Variants in FBXW11 observed in about 807,000 individuals in gnomAD.
The protein encoded by FBXW11 is F-box and WD repeat domain containing 11.
Under a neutral mutation model 77.6 loss-of-function variants are expected in FBXW11, and 19 were observed. The observed-to-expected ratio is 0.24, with a 90% CI of 0.17 to 0.36. FBXW11 has a LOEUF of 0.36. Ranked by LOEUF, FBXW11 falls within the 10% of genes least tolerant of loss-of-function variation. The probability of loss-of-function intolerance (pLI) is 1.00; values close to 1 mark genes in which losing one functional copy is unlikely to be tolerated. For missense variants in FBXW11, 334 were observed against 704.2 expected (o/e 0.47, Z 5.95); for synonymous variants, 235 against 249.4 (o/e 0.94, Z 0.54).
intron 2 of FBXW11, among the ~76,000 whole-genome samples, chr5:171,934,918 T>C (rs1762394962): frequency 1.3e-5 from 2 of 152,124 alleles, no homozygotes; most frequent in South Asian, 4.1e-4. Flanking sequence ...GTGAGGGATA[T>C]AGGGAATGAC....
chr5:171,978,833 C>T (rs1764988962), intron 1 of FBXW11, among the ~76,000 whole-genome samples: 1 of 152,226 alleles, frequency 6.6e-6, no homozygotes, highest in African/African-American at 2.4e-5. Context: ...TTTAACACTT[C>T]TCTTTCTTCA....
intron 2 of FBXW11, among the ~76,000 whole-genome samples, chr5:171,952,178 A>C (rs1763353883): frequency 6.6e-6 from 1 of 151,756 alleles, no homozygotes; most frequent in South Asian, 2.1e-4. Context: ...CAGCAGCAGC[A>C]GAATAACACT....
Position 171,870,784 on chromosome 5 carries a change from A to C in FBXW11, c.1415T>G (p.Phe472Cys), listed in dbSNP as rs780195723. The C allele has an allele frequency of 6.2e-7, 1 of 1,614,014 alleles. No homozygotes were observed. The highest frequency in any genetic ancestry group is 8.5e-7 in the Non-Finnish European group (1 of 1,179,892). Residue 472 changes from phenylalanine (F) to cysteine (C), a missense_variant, in exon 11 of 14, where the codon TTT becomes TGT. Physicochemically the swap from Phe to Cys is radical, Grantham distance 205. Transcript: ENST00000517395. The part of the protein sequence containing the change: ...GHEELVRCIR[F>C]DNKRIVSGAY... The stretch of plus-strand genomic sequence containing the variant: ...CCCACTGACAATCCTCTTGTTATCA[A>C]ACCGGATGCATCGGACCAATTCTTC...
At chr5:171,899,185 T>C in intron 5 of FBXW11, 91 bp from the exon 6 acceptor site, 1 of 815,838 alleles carries the variant, frequency 1.2e-6, no homozygotes, top group Non-Finnish European at 1.9e-6. Flanking sequence ...ATATCTTTCA[T>C]GTCTTTTAAT....
At chr5:171,996,843 A>T in intron 1 of FBXW11, 1 of 1,200,898 alleles carries the variant, frequency 8.3e-7, no homozygotes, top group Non-Finnish European at 1.1e-6. Flanking sequence ...AATTTCTTTC[A>T]GCGAGTTGAG....
rs186455093 is a variant in FBXW11, at chr5:171,937,150, A to C, written c.147+20447T>G. Among the ~76,000 whole-genome samples the C allele has an allele frequency of 1.6e-3, 249 of 152,360 alleles. 1 individual carries two copies. Among genetic ancestry groups the C allele is most frequent in the African/African-American group, 5.7e-3 (235 of 41,586 alleles). ...ACAGTTCTCCCTAATTTATAAGTTT[A>C]ACATTTCCCCAATAACCCCACAAGA... is the stretch of plus-strand genomic sequence containing the variant. On this transcript the variant is annotated intron_variant, in intron 2 of 13. Coordinates refer to ENST00000517395, the MANE Select transcript of FBXW11 (RefSeq NM_001378974.1).
intron 1 of FBXW11, among the ~76,000 whole-genome samples, chr5:171,981,581 A>G (rs916755933): frequency 6.6e-6 from 1 of 152,210 alleles, no homozygotes; most frequent in African/African-American, 2.4e-5. Flanking sequence ...GTGTCTGCAA[A>G]TAACTGAAGA....
At chr5:171,930,747 T>TAAAAAAAAAAAAAAAAAAAAAAAAAAA (rs1204789808) in intron 2 of FBXW11, among the ~76,000 whole-genome samples, 1 of 41,512 alleles carries the variant, frequency 2.4e-5, no homozygotes, top group African/African-American at 8.9e-5. Context: ...AAATAAAAAA[T>TAAAAAAAAAAAAAAAAAAAAAAAAAAA]AAAAAATAAA....
chr5:171,979,749 A>T (rs1561744461), intron 1 of FBXW11, among the ~76,000 whole-genome samples: 1 of 152,150 alleles, frequency 6.6e-6, no homozygotes, highest in Non-Finnish European at 1.5e-5. Context: ...TTGAACATAA[A>T]TTTAATTTTC....
chr5:171,876,634 G>T lies in FBXW11; in HGVS notation c.972-100C>A. 1 of 1,438,534 alleles carries T rather than the reference G, an allele frequency of 7.0e-7. No homozygotes were observed. The highest frequency in any genetic ancestry group is 1.3e-5 in the South Asian group (1 of 76,794). The allele number at this position is 1,438,534 out of a possible 1,614,324, so 89.1% of individuals were successfully genotyped here. On this transcript the variant is annotated intron_variant, in intron 8 of 13. Coordinates refer to ENST00000517395, the MANE Select transcript of FBXW11 (RefSeq NM_001378974.1). This position sits in a 1 kb window ranked among gnomAD's most constrained non-coding sequence, Gnocchi z 4.2. ...CTGGGTCTGCAATGGTTTGGATATA[G>T]TTTGTCTGACTCTACCAAATCTCAT...
chr5:171,871,843 C>G lies in FBXW11; in HGVS notation c.1341-985G>C, dbSNP rs144634297. 5.1e-4 allele frequency among the ~76,000 whole-genome samples: 77 copies of G among 152,324 alleles called. 1 individual carries two copies. Among genetic ancestry groups the G allele is most frequent in the African/African-American group, 1.7e-3 (72 of 41,564 alleles). On this transcript the variant is annotated intron_variant, in intron 10 of 13. Transcript: ENST00000517395. The stretch of plus-strand genomic sequence containing the variant: ...AATCTGTGATCAAAGCCATTCAGTA[C>G]TGCCACTATGACTCCAAAGTAGTTC...
intron 1 of FBXW11, among the ~76,000 whole-genome samples, chr5:171,973,651 G>A (rs2113440384): frequency 6.6e-6 from 1 of 152,292 alleles, no homozygotes; most frequent in Non-Finnish European, 1.5e-5. Flanking sequence ...AAGGAAATCT[G>A]AATAAATCTT....
At chr5:171,936,972 G>A (rs1762514350) in intron 2 of FBXW11, among the ~76,000 whole-genome samples, 1 of 152,190 alleles carries the variant, frequency 6.6e-6, no homozygotes, top group African/African-American at 2.4e-5. Context: ...AATTTATAGA[G>A]CTTCTGGCCC....
At chr5:171,928,827 C>A (rs915857554) in intron 2 of FBXW11, among the ~76,000 whole-genome samples, 1 of 152,222 alleles carries the variant, frequency 6.6e-6, no homozygotes, top group Non-Finnish European at 1.5e-5. Flanking sequence ...AATCCCAGCA[C>A]TTTGGGAGGC....
At position 171,891,509 on chromosome 5, in the gene FBXW11, A is replaced by G. The variant is rs767949795; in HGVS notation, c.810T>C (p.Asp270=). The G allele has an allele frequency of 6.9e-5, 111 of 1,607,106 alleles. No homozygotes were observed. Among genetic ancestry groups the G allele is most frequent in the Admixed American group, 4.1e-4 (24 of 59,188 alleles). Residue 270 remains aspartate (D), a synonymous_variant, in exon 7 of 14, where the codon GAT becomes GAC. Coordinates refer to ENST00000517395, the MANE Select transcript of FBXW11 (RefSeq NM_001378974.1). The part of the protein sequence containing the change: ...NSKGVYCLQY[D]DEKIISGLRD... ...GTAGGCCACTGATAATTTTTTCATCATCGTACTGTAAACAGTAGACACCTT... is the reference window on the plus strand; with the variant it reads ...GTAGGCCACTGATAATTTTTTCATCGTCGTACTGTAAACAGTAGACACCTT...
chr5:171,995,010 T>C (rs1443332890), intron 1 of FBXW11, among the ~76,000 whole-genome samples: 1 of 152,100 alleles, frequency 6.6e-6, no homozygotes, highest in Non-Finnish European at 1.5e-5. Flanking sequence ...AGGAGAAATA[T>C]TAGCAAATGT....
At chr5:171,979,946 T>G (rs1160542150) in intron 1 of FBXW11, among the ~76,000 whole-genome samples, 1 of 152,124 alleles carries the variant, frequency 6.6e-6, no homozygotes, top group Admixed American at 6.5e-5. Flanking sequence ...GGCTAGCAAC[T>G]TAGAACTTTT....
chr5:172,004,259 T>A (rs898176177), intron 1 of FBXW11, among the ~76,000 whole-genome samples: 1 of 152,246 alleles, frequency 6.6e-6, no homozygotes, highest in African/African-American at 2.4e-5. Context: ...ATAAGGGTTG[T>A]CTAAGAGTCT....
At chr5:171,976,304 C>A (rs1764826143) in intron 1 of FBXW11, among the ~76,000 whole-genome samples, 1 of 152,130 alleles carries the variant, frequency 6.6e-6, no homozygotes, top group Non-Finnish European at 1.5e-5. Context: ...CGAGATGGTA[C>A]TGAAACAGAA....
Sources: allele counts gnomAD v4.1 joint callset (sites outside exome capture counted in the v4.1 genomes callset), GRCh38; gene constraint gnomAD v4.1.1; non-coding constraint Gnocchi (gnomAD v3.1); transcripts MANE v1.5; gene names NCBI Gene and HGNC (gene_info 2026-07-23, HGNC 2026-07-21).